INO80: variants seen among roughly 807,000 people sequenced by gnomAD.
The protein encoded by INO80 is chromatin-remodeling ATPase INO80.
INO80 carries 20 observed loss-of-function variants against 203.4 expected under a neutral mutation model. That is an observed-to-expected ratio of 0.10 (90% CI 0.07 to 0.14). The LOEUF is 0.14. INO80 is among the 10% of genes least tolerant of loss of function. The pLI is 1.00. For missense variants in INO80, 1,419 were observed against 1,914.4 expected (o/e 0.74, Z 4.83); for synonymous variants, 726 against 685.2 (o/e 1.06, Z -0.93).
intron 23 of INO80, 23 bp downstream of exon 23, chr15:41,047,385 C>G (rs373389580): frequency 5.2e-4 from 795 of 1,532,570 alleles, no homozygotes; most frequent in Non-Finnish European, 6.7e-4. Flanking sequence ...GGCCTCTTAT[C>G]AAGCAATAAG....
At position 40,987,728 on chromosome 15, in the gene INO80, A is replaced by G. The variant is rs1201259481; in HGVS notation, c.3729+88T>C. The G allele has an allele frequency of 3.2e-6, 4 of 1,235,278 alleles. No homozygotes were observed. In the Admixed American group the frequency reaches 6.5e-5, roughly 20 times the overall value. 76.5% of individuals were successfully genotyped at this position (1,235,278 alleles called of 1,614,324 possible). On this transcript the variant is annotated intron_variant, in intron 30 of 35. Transcript: ENST00000648947. Reference sequence around the variant, plus strand: ...TTCGTCAGGACCAATGAAAGGCAAGAGAGTTTTAAAATAGTCTCAATGCAG... The same window carrying G: ...TTCGTCAGGACCAATGAAAGGCAAGGGAGTTTTAAAATAGTCTCAATGCAG...
intron 19 of INO80, among the ~76,000 whole-genome samples, chr15:41,052,857 CAAAAAAAA>C (rs886971015): frequency 2.1e-4 from 20 of 93,566 alleles, no homozygotes; most frequent in Non-Finnish European, 4.1e-4. Flanking sequence ...CTGGTCGCTA[CAAAAAAAA>C]AAAAAAAAAA....
At chr15:41,052,852 C>G (rs1411270174) in intron 19 of INO80, among the ~76,000 whole-genome samples, 2 of 105,378 alleles carry the variant, frequency 1.9e-5, no homozygotes, top group Admixed American at 1.0e-4. Flanking sequence ...CAAAACTGGT[C>G]GCTACAAAAA....
At chr15:41,023,848 AT>A (rs2044335698) in intron 25 of INO80, among the ~76,000 whole-genome samples, 1 of 150,818 alleles carries the variant, frequency 6.6e-6, no homozygotes, top group Non-Finnish European at 1.5e-5. Context: ...ACCAATTTTT[AT>A]ACTCACAGAT....
chr15:41,093,468 C>T (rs562168463), intron 4 of INO80, among the ~76,000 whole-genome samples: 17 of 151,874 alleles, frequency 1.1e-4, no homozygotes, highest in African/African-American at 1.9e-4. Flanking sequence ...CTAACGGGTA[C>T]GGGGTTCATT....
chr15:40,991,780 C>T (rs1288098972), intron 29 of INO80, among the ~76,000 whole-genome samples: 2 of 146,020 alleles, frequency 1.4e-5, no homozygotes, highest in African/African-American at 5.0e-5. Context: ...AAATTTCTTT[C>T]TTTTTTTTTT....
chr15:41,107,726 G>C (rs371937355), intron 1 of INO80, among the ~76,000 whole-genome samples: 39 of 152,156 alleles, frequency 2.6e-4, no homozygotes, highest in African/African-American at 9.4e-4. Context: ...CTTGAGCCTG[G>C]GAAACAGAGG....
At chr15:41,111,880 A>C (rs1477384948) in intron 1 of INO80, among the ~76,000 whole-genome samples, 1 of 152,002 alleles carries the variant, frequency 6.6e-6, no homozygotes, top group African/African-American at 2.4e-5. Context: ...TCTTCAGACT[A>C]CAAAGCCGTC....
intron 9 of INO80, 31 bp from the exon 10 acceptor site, chr15:41,074,596 A>G (rs2045375055): frequency 1.3e-6 from 2 of 1,489,852 alleles, no homozygotes; most frequent in Admixed American, 3.9e-5. Context: ...AAACAGAGCC[A>G]AATTATCAAT....
At chr15:41,114,050 C>T (rs941253767) in intron 1 of INO80, among the ~76,000 whole-genome samples, 11 of 151,958 alleles carry the variant, frequency 7.2e-5, no homozygotes, top group Admixed American at 5.2e-4. Flanking sequence ...AGGTGGATCA[C>T]GAGGTCAGGG....
intron 20 of INO80, 95 bp downstream of exon 20, chr15:41,049,840 C>T (rs2044836910): frequency 8.8e-7 from 1 of 1,142,730 alleles, no homozygotes; most frequent in Non-Finnish European, 1.3e-6. Flanking sequence ...GAGCCGAAAT[C>T]ACGCCATTGC....
intron 1 of INO80, among the ~76,000 whole-genome samples, chr15:41,104,680 A>G (rs1025645745): frequency 5.6e-4 from 85 of 152,086 alleles, no homozygotes; most frequent in African/African-American, 2.0e-3. Context: ...TGGGATTACA[A>G]GCATGAGCCA....
intron 35 of INO80, among the ~76,000 whole-genome samples, chr15:40,981,932 A>G (rs1893847222): frequency 6.6e-6 from 1 of 152,082 alleles, no homozygotes; most frequent in Admixed American, 6.6e-5. Context: ...ACCAGTCCAA[A>G]TCCTTCCTCA....
rs764905202 is a variant in INO80 at position 41,044,986 on chromosome 15, C to G, written c.2825G>C (p.Arg942Thr). 6.8e-6 allele frequency: 11 copies of G among 1,613,938 alleles called. No individual in the cohort carries two copies. The African/African-American group carries it at 9.3e-5, about 14-fold the overall frequency. The change falls in exon 24 of 36, where the codon AGA (arginine) becomes ACA (threonine). Residue 942 changes from arginine (R) to threonine (T), a missense_variant. Coordinates refer to ENST00000648947, the MANE Select transcript of INO80 (RefSeq NM_017553.3). ...AAGGAAATCCTTGTTCCTCAGGTAT[C>G]TCTGGTGGCTCTCCCCTTCTGGCGC... Reference protein sequence around the residue: ...WGAPEGESHQRYLRNKDFLLG... With the variant: ...WGAPEGESHQTYLRNKDFLLG...
intron 32 of INO80, 47 bp from the exon 33 acceptor site, chr15:40,984,399 A>G (rs748214981): frequency 1.9e-6 from 3 of 1,560,760 alleles, no homozygotes; most frequent in Non-Finnish European, 2.6e-6. Context: ...GATGCACCCC[A>G]AAAGAAAAGC....
chr15:41,055,394 A>G (rs1180231261), intron 17 of INO80, 30 bp from the exon 18 acceptor site: 6 of 1,432,396 alleles, frequency 4.2e-6, no homozygotes, highest in East Asian at 2.3e-5. Flanking sequence ...TGAAATAGCT[A>G]TAGAGCAATA....
intron 25 of INO80, among the ~76,000 whole-genome samples, chr15:41,023,768 C>CAAAAAAAAAAAAAAAAAAAAAAAAAAGA (rs139814568): frequency 1.6e-5 from 1 of 63,560 alleles, no homozygotes; most frequent in Non-Finnish European, 2.5e-5. Context: ...GACTCTGTCT[C>CAAAAAAAAAAAAAAAAAAAAAAAAAAGA]AAAAAAAAAA....
At chr15:41,036,857 C>G (rs1461950412) in intron 24 of INO80, among the ~76,000 whole-genome samples, 1 of 151,948 alleles carries the variant, frequency 6.6e-6, no homozygotes, top group Non-Finnish European at 1.5e-5. Context: ...CGAGGCAGGC[C>G]AGTTACTTGA....
chr15:41,078,885 A>T (rs1046558026), intron 9 of INO80, among the ~76,000 whole-genome samples: 2 of 152,218 alleles, frequency 1.3e-5, no homozygotes, highest in African/African-American at 4.8e-5. Flanking sequence ...TCACGCCTGT[A>T]ATCTCAGCAC....
Sources: gnomAD v4.1 joint callset for allele counts (sites outside exome capture counted in the v4.1 genomes callset) on GRCh38, gnomAD v4.1.1 for gene constraint, MANE v1.5 for transcripts, NCBI Gene and HGNC (gene_info 2026-07-23, HGNC 2026-07-21) for gene names.